Variants in CFAP46 observed in about 807,000 individuals in gnomAD.
The protein encoded by CFAP46 is cilia and flagella associated protein 46.
Under a neutral mutation model 325.7 loss-of-function variants are expected in CFAP46, and 245 were observed. The ratio of observed to expected loss-of-function variants is 0.75; its 90% CI spans 0.68 to 0.84. CFAP46 has a LOEUF of 0.84. Ranked by LOEUF, CFAP46 falls within the 40% of genes least tolerant of loss-of-function variation. CFAP46 has a pLI of 0.00. For missense variants in CFAP46, 3,346 were observed against 3,543.0 expected (o/e 0.94, Z 1.41); for synonymous variants, 1,523 against 1,495.9 (o/e 1.02, Z -0.42).
chr10:132,931,046 C>CCA (rs1402828212), intron 8 of CFAP46, among the ~76,000 whole-genome samples: 3 of 118,590 alleles, frequency 2.5e-5, no homozygotes, highest in African/African-American at 1.0e-4. Flanking sequence ...CCCACACTCC[C>CCA]CACACAGAGC....
intron 13 of CFAP46, among the ~76,000 whole-genome samples, 180 bp from the exon 14 acceptor site, chr10:132,920,362 G>A (rs1849704681): frequency 6.6e-6 from 1 of 152,220 alleles, no homozygotes; most frequent in Admixed American, 6.5e-5. Flanking sequence ...GAGTGGCATT[G>A]CCTGTGTCTC....
At chr10:132,822,577 G>GCACT (rs1462300753) in intron 50 of CFAP46, among the ~76,000 whole-genome samples, 106 of 138,092 alleles carry the variant, frequency 7.7e-4, no homozygotes, top group South Asian at 6.3e-3. Context: ...TGCTGTGTGT[G>GCACT]TGCTGTGTGC....
chr10:132,834,942 C>T (rs961784861), intron 47 of CFAP46, among the ~76,000 whole-genome samples, 167 bp from the exon 48 acceptor site: 1 of 152,266 alleles, frequency 6.6e-6, no homozygotes, highest in African/African-American at 2.4e-5. Context: ...CCTGGCCCAT[C>T]CTCTGGAGGG....
chr10:132,821,839 CTG>C (rs1260260649), intron 50 of CFAP46, among the ~76,000 whole-genome samples: 1 of 130,814 alleles, frequency 7.6e-6, no homozygotes, highest in Non-Finnish European at 1.6e-5. Flanking sequence ...GCGCTGTGTG[CTG>C]TGTGAGCGCT....
chr10:132,810,249 C>A (rs1271342883), intron 57 of CFAP46, among the ~76,000 whole-genome samples, 160 bp downstream of exon 57: 1 of 152,184 alleles, frequency 6.6e-6, no homozygotes, highest in Non-Finnish European at 1.5e-5. Flanking sequence ...CAAGAACAAG[C>A]CCTCCCTCTT....
chr10:132,818,443 A>T (rs1396376881), intron 50 of CFAP46, among the ~76,000 whole-genome samples: 1 of 152,160 alleles, frequency 6.6e-6, no homozygotes, highest in Non-Finnish European at 1.5e-5. Context: ...ATGACAAACC[A>T]CAGCTAACAG....
At position 132,899,060 on chromosome 10, in the gene CFAP46, C is replaced by T. The variant is rs1167162756; in HGVS notation, c.3118G>A (p.Ala1040Thr). 15 of 1,550,600 alleles carry T rather than the reference C, an allele frequency of 9.7e-6. No homozygotes were observed. Among genetic ancestry groups the T allele is most frequent in the South Asian group, 4.8e-5 (4 of 84,064 alleles). Residue 1040 changes from alanine to threonine, a missense_variant, in exon 24 of 58, where the codon GCC (alanine) becomes ACC (threonine). Transcript: ENST00000368586. ...VMLAARHYWN[A>T]WLPLLSSAVY... ...GCTGAGGACAGCAGTGGGAGCCAGG[C>T]GTTCCAGTAATGCCGCGCGGCCAGC...
chr10:132,823,113 CTG>C (rs1473027626), intron 50 of CFAP46, among the ~76,000 whole-genome samples: 9 of 116,086 alleles, frequency 7.8e-5, no homozygotes, highest in South Asian at 3.1e-4. Context: ...CTGATGTGTG[CTG>C]TGTGTGTGCT....
In CFAP46 at chr10:132,817,291, C is replaced by T. The variant is rs148088755; in HGVS notation, c.7118-2377G>A. On this transcript the variant is annotated intron_variant, in intron 50 of 57. Transcript: ENST00000368586. This position sits in a 1 kb window ranked among gnomAD's most constrained non-coding sequence, Gnocchi z 4.4. ...AGTCAGACACCGGCCCTCCGGGTTA[C>T]TCTTAAATATTTACTCATTTTCCCT... Among the ~76,000 whole-genome samples the T allele has an allele frequency of 8.1e-3, 1,230 of 152,320 alleles. 5 individuals are homozygous for T. Among genetic ancestry groups the T allele is most frequent in the Non-Finnish European group, 0.013 (854 of 68,040 alleles).
chr10:132,822,548 CTG>C (rs1345412321), intron 50 of CFAP46, among the ~76,000 whole-genome samples: 16 of 101,804 alleles, frequency 1.6e-4, no homozygotes, highest in East Asian at 3.2e-4. Flanking sequence ...CTGACGTGTG[CTG>C]TGTGTGCGCT....
intron 35 of CFAP46, among the ~76,000 whole-genome samples, chr10:132,861,281 C>T (rs902843919): frequency 6.6e-6 from 1 of 152,220 alleles, no homozygotes; most frequent in Non-Finnish European, 1.5e-5. Context: ...CCAGCTGCAG[C>T]GCGCATGACT....
chr10:132,930,610 ACAGAGCCTGGGC>A (rs1564804556), intron 8 of CFAP46, among the ~76,000 whole-genome samples: 3 of 98,682 alleles, frequency 3.0e-5, no homozygotes, highest in African/African-American at 8.2e-5. Flanking sequence ...CACTCCCCAC[ACAGAGCCTGGGC>A]CTCCCTCCTC....
intron 11 of CFAP46, among the ~76,000 whole-genome samples, chr10:132,923,571 C>T (rs1329677233): frequency 1.3e-5 from 2 of 150,950 alleles, no homozygotes; most frequent in Non-Finnish European, 3.0e-5. Context: ...GAACCCCTGG[C>T]CTCACGCAGC....
intron 43 of CFAP46, 95 bp from the exon 44 acceptor site, chr10:132,846,322 G>C: frequency 7.0e-7 from 1 of 1,421,688 alleles, no homozygotes; most frequent in South Asian, 1.4e-5. Flanking sequence ...CAGCCTGGGA[G>C]CAGGAGTGGG....
At chr10:132,896,156 T>C (rs12780041) in intron 24 of CFAP46, among the ~76,000 whole-genome samples, 2,517 of 77,584 alleles carry the variant, frequency 0.032, 32 homozygotes, top group Admixed American at 0.072. Context: ...GAAGACACGG[T>C]GAGAAGGCAG....
Position 132,886,019 on chromosome 10 carries a change from C to G in CFAP46, c.3305-60G>C, listed in dbSNP as rs747528959. On this transcript the variant is annotated intron_variant, in intron 25 of 57. Coordinates refer to ENST00000368586, the MANE Select transcript of CFAP46 (RefSeq NM_001200049.3). The surrounding 1 kb of genome is among the most constrained non-coding windows in gnomAD (Gnocchi z 5.8). ...CCTGATCCCTCATCAAAGGCGCCCT[C>G]GGACCTCCCAGACTAAGCTGCCCAT... 1.3e-6 allele frequency: 2 copies of G among 1,532,504 alleles called. No individual in the cohort carries two copies. Among genetic ancestry groups the G allele is most frequent in the Non-Finnish European group, 1.8e-6 (2 of 1,135,212 alleles). The allele number at this position is 1,532,504 out of a possible 1,614,324, so 94.9% of individuals were successfully genotyped here.
At chr10:132,874,287 G>A (rs945814061) in intron 31 of CFAP46, among the ~76,000 whole-genome samples, 5 of 152,122 alleles carry the variant, frequency 3.3e-5, no homozygotes, top group Non-Finnish European at 7.4e-5. Context: ...GCACAGCCAA[G>A]CTGCCCTATT....
At chr10:132,926,936 G>T (rs1233107260) in intron 9 of CFAP46, among the ~76,000 whole-genome samples, 10 of 152,324 alleles carry the variant, frequency 6.6e-5, no homozygotes, top group African/African-American at 2.2e-4. Flanking sequence ...CCTTGTCCCG[G>T]CCCCCAACAC....
chr10:132,891,270 T>C (rs7082465), intron 25 of CFAP46, among the ~76,000 whole-genome samples: 2,587 of 152,228 alleles, frequency 0.017, 70 homozygotes, highest in African/African-American at 0.058. Context: ...TGGGCCCTCC[T>C]CTCGGCCAAG....
Sources: gnomAD v4.1 joint callset for allele counts (sites outside exome capture counted in the v4.1 genomes callset) on GRCh38, gnomAD v4.1.1 for gene constraint, Gnocchi (gnomAD v3.1) non-coding constraint, MANE v1.5 for transcripts, NCBI Gene and HGNC (gene_info 2026-07-23, HGNC 2026-07-21) for gene names.